The following DUOX2 variants were observed in gnomAD, a reference collection of about 807,000 sequenced individuals.
DUOX2 encodes the protein NADH/NADPH thyroid oxidase p138-tox.
In DUOX2, 185 loss-of-function variants were observed where a neutral mutation model predicts 183.3. The observed-to-expected ratio is 1.01, with a 90% CI of 0.90 to 1.14. The LOEUF (loss-of-function observed/expected upper bound fraction) is 1.14. DUOX2 is among the 50% of genes most tolerant of loss of function. DUOX2 has a pLI of 0.00. For synonymous variants in DUOX2, 788 were observed against 812.4 expected (o/e 0.97, Z 0.51); for missense variants, 1,999 against 2,022.9 (o/e 0.99, Z 0.23).
rs78922026 is a variant in DUOX2, at chr15:45,107,113, C to T, written c.1694-144G>A. On this transcript the variant is annotated intron_variant, in intron 14 of 33. Coordinates refer to ENST00000389039, the MANE Select transcript of DUOX2 (RefSeq NM_001363711.2). ...CTGAAACTGTCTCCCTCAAAAAGTC[C>T]CCATTCATTTCCTGTCTCTTGGCAT... 4.4e-3 allele frequency: 5,877 copies of T among 1,321,168 alleles called. 190 individuals are homozygous for T. In the African/African-American group the frequency reaches 0.072, roughly 16 times the overall value. 81.8% of individuals were successfully genotyped at this position (1,321,168 alleles called of 1,614,324 possible).
intron 13 of DUOX2, among the ~76,000 whole-genome samples, chr15:45,107,713 T>A (rs1350235558): frequency 6.6e-6 from 1 of 150,948 alleles, no homozygotes; most frequent in Non-Finnish European, 1.5e-5. Flanking sequence ...TAGCCGGGCA[T>A]GTTGGTGCAT....
In DUOX2 at chr15:45,099,327, A is replaced by G. The variant is rs111613241; in HGVS notation, c.3515+56T>C. Reference sequence around the variant, plus strand: ...GCCCGGCCTGCCTATTTCTTTTTCTATTATACCCTTGGGCCCACCCTATGA... The same window carrying G: ...GCCCGGCCTGCCTATTTCTTTTTCTGTTATACCCTTGGGCCCACCCTATGA... On this transcript the variant is annotated intron_variant, in intron 26 of 33. Transcript: ENST00000389039. 2.3e-3 allele frequency: 3,565 copies of G among 1,532,958 alleles called. 72 individuals carry two copies. In the African/African-American group the frequency reaches 0.044, roughly 19 times the overall value. The allele number at this position is 1,532,958 out of a possible 1,614,324, so 95.0% of individuals were successfully genotyped here.
intron 1 of DUOX2, 26 bp from the exon 2 acceptor site, chr15:45,113,451 G>A (rs1229483251): frequency 6.5e-7 from 1 of 1,544,742 alleles, no homozygotes. Flanking sequence ...GGGGGTGGTA[G>A]GTGGTATGCG....
Position 45,104,132 on chromosome 15 carries a change from C to T in DUOX2, c.2560+8G>A. ...TCTTGGATAGCCTGCCACCTCCCAG[C>T]CCCCTACCTTTCATGAAGACCACCA... On this transcript the variant is annotated splice_region_variant and intron_variant, in intron 19 of 33. Coordinates refer to ENST00000389039, the MANE Select transcript of DUOX2 (RefSeq NM_001363711.2). 1 of 1,614,182 alleles carries T rather than the reference C, an allele frequency of 6.2e-7. No homozygotes were observed. Among genetic ancestry groups the T allele is most frequent in the Middle Eastern group, 1.6e-4 (1 of 6,062 alleles).
rs376528728 is a variant in DUOX2, at chr15:45,105,761, C to T, written c.2216G>A (p.Arg739His). Residue 739 changes from arginine (R) to histidine (H), a missense_variant, in exon 18 of 34, where the codon CGC becomes CAC. Arg to His is a conservative substitution (Grantham distance 29). Transcript: ENST00000389039. ...FVQQLWDFCV[R>H]WALGLHVAEM... ...AGCCACATGGAGGCCCAGAGCCCAG[C>T]GCACGCAGAAGTCCCATAGCTGCTG... 7.7e-5 allele frequency: 124 copies of T among 1,614,116 alleles called. No individual in the cohort carries two copies. The highest frequency in any genetic ancestry group is 9.7e-5 in the Non-Finnish European group (114 of 1,180,046).
intron 32 of DUOX2, 39 bp from the exon 33 acceptor site, chr15:45,094,730 G>A (rs182797527): frequency 1.2e-6 from 2 of 1,612,440 alleles, no homozygotes; most frequent in African/African-American, 2.7e-5. Flanking sequence ...AGACAGTCAG[G>A]GCCAGCACTC....
chr15:45,113,168 G>A (rs1894496594), intron 2 of DUOX2, 92 bp from the exon 3 acceptor site: 1 of 1,489,500 alleles, frequency 6.7e-7, no homozygotes, highest in Non-Finnish European at 9.2e-7. Context: ...CCCAGCTCGC[G>A]GAGCGCCCCT....
Position 45,100,857 on chromosome 15 carries a change from G to C in DUOX2, c.2922-19C>G. On this transcript the variant is annotated intron_variant, in intron 22 of 33. Coordinates refer to ENST00000389039, the MANE Select transcript of DUOX2 (RefSeq NM_001363711.2). ...GTGGGAGCTGAGAAAAAGAAATGGGGCTGTTCTCCCCTTGTCTTTGCAGCC... is the reference window on the plus strand; with the variant it reads ...GTGGGAGCTGAGAAAAAGAAATGGGCCTGTTCTCCCCTTGTCTTTGCAGCC... The C allele has an allele frequency of 6.4e-7, 1 of 1,556,986 alleles. No individual in the cohort carries two copies. The highest frequency in any genetic ancestry group is 8.9e-7 in the Non-Finnish European group (1 of 1,128,208).
At chr15:45,097,484 T>C (rs1245528125) in intron 28 of DUOX2, 93 bp from the exon 29 acceptor site, 2 of 1,612,570 alleles carry the variant, frequency 1.2e-6, no homozygotes, top group African/African-American at 2.7e-5. Flanking sequence ...GCCGGGGAGA[T>C]AGGGCTGAGG....
At chr15:45,098,301 T>C (rs1260916630) in intron 26 of DUOX2, among the ~76,000 whole-genome samples, 1 of 152,234 alleles carries the variant, frequency 6.6e-6, no homozygotes, top group Non-Finnish European at 1.5e-5. Flanking sequence ...CCCTGCTTCC[T>C]TGAGTCCCTG....
At chr15:45,097,890 G>C (rs1445204978) in intron 27 of DUOX2, 119 bp downstream of exon 27, 1 of 1,544,796 alleles carries the variant, frequency 6.5e-7, no homozygotes, top group Non-Finnish European at 8.9e-7. Context: ...TTGAGCTGGG[G>C]CTTGTCCTGA....
In DUOX2 at chr15:45,101,787, A is replaced by C; in HGVS notation, c.2851+6T>G. The C allele has an allele frequency of 1.9e-6, 3 of 1,613,782 alleles. No individual in the cohort carries two copies. The highest frequency in any genetic ancestry group is 2.5e-6 in the Non-Finnish European group (3 of 1,179,944). The stretch of plus-strand genomic sequence containing the variant: ...CCCTGACGCCAACCATTCCTCACAC[A>C]CTCACCATTTCCACCTCCACCTCCA... On this transcript the variant is annotated splice_donor_region_variant and intron_variant, in intron 21 of 33. Coordinates refer to ENST00000389039, the MANE Select transcript of DUOX2 (RefSeq NM_001363711.2).
intron 29 of DUOX2, among the ~76,000 whole-genome samples, chr15:45,096,825 T>A (rs1893914702): frequency 6.6e-6 from 1 of 152,196 alleles, no homozygotes; most frequent in Non-Finnish European, 1.5e-5. Context: ...CAATCCCGAC[T>A]TTGGCCAGCA....
In DUOX2 at chr15:45,112,526, C is replaced by A. The variant is rs1894460421; in HGVS notation, c.325+28G>T. On this transcript the variant is annotated intron_variant, in intron 4 of 33. Coordinates refer to ENST00000389039, the MANE Select transcript of DUOX2 (RefSeq NM_001363711.2). ...CAGGCTGAGCAGAGCGCCAGATCAA[C>A]CCCACTGGTCTCCCCCTTTGCCCTC... The A allele has an allele frequency of 1.9e-6, 3 of 1,608,306 alleles. No individual in the cohort carries two copies. In the African/African-American group the frequency reaches 4.0e-5, roughly 21 times the overall value.
rs1368618868 is a variant in DUOX2 at position 45,095,606 on chromosome 15, A to C, written c.4081-11T>G. The C allele has an allele frequency of 2.5e-6, 4 of 1,614,018 alleles. No homozygotes were observed. The highest frequency in any genetic ancestry group is 3.4e-6 in the Non-Finnish European group (4 of 1,179,990). On this transcript the variant is annotated splice_polypyrimidine_tract_variant and intron_variant, in intron 30 of 33. Transcript: ENST00000389039. ...TCCATCAAGGTACAGCTGCCAAGAG[A>C]GGGGGGAGATGAAATGAGCCTGACC...
In DUOX2 at chr15:45,108,929, A is replaced by C; in HGVS notation, c.1258T>G (p.Phe420Val). The C allele has an allele frequency of 6.2e-7, 1 of 1,614,202 alleles. No homozygotes were observed. Among genetic ancestry groups the C allele is most frequent in the South Asian group, 1.1e-5 (1 of 91,084 alleles). Residue 420 changes from phenylalanine (F) to valine (V), a missense_variant, in exon 12 of 34, where the codon TTC becomes GTC. Phe to Val is a conservative substitution (Grantham distance 50). Transcript: ENST00000389039. ...CTGGCCACATAGTCTGTACGGGAGAATTTGCCAGGGCCAGGCCAGTAATCT... is the reference window on the plus strand; with the variant it reads ...CTGGCCACATAGTCTGTACGGGAGACTTTGCCAGGGCCAGGCCAGTAATCT... ...LRDYWPGPGK[F>V]SRTDYVASSI...
In DUOX2 at chr15:45,113,333, G is replaced by C; in HGVS notation, c.70+9C>G. The C allele has an allele frequency of 6.4e-7, 1 of 1,558,120 alleles. No homozygotes were observed. Among genetic ancestry groups the C allele is most frequent in the Non-Finnish European group, 8.7e-7 (1 of 1,150,142 alleles). On this transcript the variant is annotated intron_variant, in intron 2 of 33. Coordinates refer to ENST00000389039, the MANE Select transcript of DUOX2 (RefSeq NM_001363711.2). ...GAACACCCCGCCGCTAGAGGAGCCT[G>C]ATACTTGCCCGATGGACCCAGGGAT... is the stretch of plus-strand genomic sequence containing the variant.
chr15:45,106,210 T>C lies in DUOX2; in HGVS notation c.2063A>G (p.Gln688Arg). 6.2e-7 allele frequency: 1 copy of C among 1,614,140 alleles called. No individual in the cohort carries two copies. The highest frequency in any genetic ancestry group is 8.5e-7 in the Non-Finnish European group (1 of 1,180,024). ...GATGAGGTTGACCTGCTGCAGAGGC[T>C]GCAGCTGGACCACACGGAGCACAGT... ...HLTVLRVVQL[Q>R]PLQQVNLILS... Residue 688 changes from glutamine (Q) to arginine (R), a missense_variant, in exon 17 of 34, where the codon CAG becomes CGG. Gln to Arg is a conservative substitution (Grantham distance 43). Around this residue, in one of 3 missense-constraint regions of DUOX2, gnomAD observed 1,628 missense variants for 1,608.6 expected, o/e 1.01. Coordinates refer to ENST00000389039, the MANE Select transcript of DUOX2 (RefSeq NM_001363711.2).
rs1312452702 is a variant in DUOX2 at position 45,101,470 on chromosome 15, T to C, written c.2852-196A>G. ...GCAACTTTGCACAAGAAAGGGGACA[T>C]CCTCTTAGGTGGATGCAACCCTGCA... On this transcript the variant is annotated intron_variant, in intron 21 of 33. Transcript: ENST00000389039. 4 of 652,364 alleles carry C rather than the reference T, an allele frequency of 6.1e-6. No individual in the cohort carries two copies. The African/African-American group carries it at 7.2e-5, about 12-fold the overall frequency. 40.4% of individuals were successfully genotyped at this position (652,364 alleles called of 1,614,324 possible).
Sources: allele counts gnomAD v4.1 joint callset (sites outside exome capture counted in the v4.1 genomes callset), GRCh38; gene constraint gnomAD v4.1.1; regional missense constraint gnomAD v4.1.1; transcripts MANE v1.5; gene names NCBI Gene and HGNC (gene_info 2026-07-23, HGNC 2026-07-21).